YEATS2: variants seen among roughly 807,000 people sequenced by gnomAD.
YEATS2 encodes the protein YEATS domain-containing protein 2.
Under a neutral mutation model 163.2 loss-of-function variants are expected in YEATS2, and 77 were observed. The observed-to-expected ratio is 0.47, with a 90% CI of 0.39 to 0.57. The LOEUF (loss-of-function observed/expected upper bound fraction) is 0.57, where lower values mean the gene tolerates loss of function less well. YEATS2 is among the 20% of genes least tolerant of loss of function. YEATS2 has a pLI of 0.00. For missense variants in YEATS2, 1,549 were observed against 1,729.8 expected, an observed-to-expected ratio of 0.90 and a Z score of 1.85; for synonymous variants, 631 against 645.1, an observed-to-expected ratio of 0.98 and a Z score of 0.33.
chr3:183,724,158 C>CA (rs1716821713), intron 5 of YEATS2, among the ~76,000 whole-genome samples: 1 of 151,982 alleles, frequency 6.6e-6, no homozygotes, highest in Non-Finnish European at 1.5e-5. Context: ...TGTATCCTTC[C>CA]AAATCCTATT....
At chr3:183,790,703 T>C in intron 20 of YEATS2, 94 bp from the exon 21 acceptor site, 1 of 1,354,380 alleles carries the variant, frequency 7.4e-7, no homozygotes, top group South Asian at 1.3e-5. Context: ...TAATAGATGA[T>C]ATTTAGTGTG....
chr3:183,728,433 A>G (rs1717356913), intron 6 of YEATS2, among the ~76,000 whole-genome samples: 1 of 152,240 alleles, frequency 6.6e-6, no homozygotes, highest in South Asian at 2.1e-4. Context: ...GACCTCAAGC[A>G]GTCCTCCCGT....
intron 8 of YEATS2, among the ~76,000 whole-genome samples, chr3:183,743,893 T>C (rs1389621514): frequency 6.6e-6 from 1 of 152,128 alleles, no homozygotes; most frequent in South Asian, 2.1e-4. Context: ...TGGACCTCTT[T>C]CAAGCTTAAG....
At chr3:183,730,052 G>GTTTGTTTGT (rs1560244258) in intron 7 of YEATS2, among the ~76,000 whole-genome samples, 1 of 41,718 alleles carries the variant, frequency 2.4e-5, no homozygotes, top group African/African-American at 8.2e-5. Context: ...TTTTTTGTTT[G>GTTTGTTTGT]TTTTTTTTTT....
intron 21 of YEATS2, among the ~76,000 whole-genome samples, chr3:183,792,509 G>A (rs1386476936): frequency 2.0e-5 from 3 of 152,046 alleles, no homozygotes; most frequent in Non-Finnish European, 4.4e-5. Flanking sequence ...AGATTATATT[G>A]TATTGTACTG....
chr3:183,761,170 C>A (rs1721311064), intron 13 of YEATS2, among the ~76,000 whole-genome samples: 1 of 152,024 alleles, frequency 6.6e-6, no homozygotes, highest in South Asian at 2.1e-4. Context: ...TCACCACAAC[C>A]TCTGCCTCCC....
chr3:183,812,451 C>T lies in YEATS2; in HGVS notation c.*1868C>T, dbSNP rs1187501783. 6.6e-5 allele frequency: 10 copies of T among 152,520 alleles called. No homozygotes were observed. The highest frequency in any genetic ancestry group is 6.5e-4 in the Admixed American group (10 of 15,274). The allele number at this position is 152,520 out of a possible 1,614,324, so 9.4% of individuals were successfully genotyped here. ...CAGGACAGAGGGAGAAAGATCTGAT[C>T]CAAATGAGAACAGATTGGTTATTGC... On this transcript the variant is annotated 3_prime_UTR_variant, in exon 31 of 31. Transcript: ENST00000305135.
chr3:183,721,910 C>G lies in YEATS2; in HGVS notation c.311C>G (p.Thr104Arg). Residue 104 changes from threonine to arginine, a missense_variant, in exon 5 of 31, where the codon ACA becomes AGA. Physicochemically the swap from Thr to Arg is moderately conservative, Grantham distance 71. Coordinates refer to ENST00000305135, the MANE Select transcript of YEATS2 (RefSeq NM_018023.5). ...TTGTAGGGATCAAAGACATGTGATACAATGGTTTTTAATCATCCTGCTATC... is the reference window on the plus strand; with the variant it reads ...TTGTAGGGATCAAAGACATGTGATAGAATGGTTTTTAATCATCCTGCTATC... ...KVSEGSKTCDTMVFNHPAIKK... is the reference protein window; with the variant it reads ...KVSEGSKTCDRMVFNHPAIKK... The G allele has an allele frequency of 6.2e-7, 1 of 1,614,078 alleles. No homozygotes were observed. The highest frequency in any genetic ancestry group is 8.5e-7 in the Non-Finnish European group (1 of 1,180,010).
intron 29 of YEATS2, 45 bp downstream of exon 29, chr3:183,808,149 C>CTT: frequency 6.6e-7 from 1 of 1,522,484 alleles, no homozygotes. Flanking sequence ...TGGTTGCATC[C>CTT]CAGGCGGTTT....
chr3:183,806,641 G>A, intron 27 of YEATS2: 1 of 556,372 alleles, frequency 1.8e-6, no homozygotes, highest in Non-Finnish European at 3.2e-6. Flanking sequence ...CATCTTAGAT[G>A]GCAGTTACCT....
Position 183,812,541 on chromosome 3 carries a change from A to G in YEATS2, c.*1958A>G, listed in dbSNP as rs1310413331. 1.3e-5 allele frequency: 2 copies of G among 152,652 alleles called. No individual in the cohort carries two copies. The highest frequency in any genetic ancestry group is 2.9e-5 in the Non-Finnish European group (2 of 68,036). 9.5% of individuals were successfully genotyped at this position (152,652 alleles called of 1,614,324 possible). A position where few individuals can be genotyped will look rare whatever the true frequency, so the allele number is the denominator to read the frequency against. On this transcript the variant is annotated 3_prime_UTR_variant, in exon 31 of 31. Transcript: ENST00000305135. ...AATATTAAATGATTTAGCAGTCTCC[A>G]CGTGTGTTAATGTTTCAAACGTGTA...
intron 7 of YEATS2, among the ~76,000 whole-genome samples, 162 bp from the exon 8 acceptor site, chr3:183,736,556 C>T (rs1180377206): frequency 6.6e-6 from 1 of 152,146 alleles, no homozygotes; most frequent in Non-Finnish European, 1.5e-5. Flanking sequence ...TAAAATTTAT[C>T]ATTTTAGCAA....
chr3:183,712,187 CTTTTATTTTATTTTATTTTA>C (rs58510341), intron 1 of YEATS2, among the ~76,000 whole-genome samples: 33 of 113,394 alleles, frequency 2.9e-4, no homozygotes, highest in Non-Finnish European at 4.2e-4. Flanking sequence ...ATTTTATGTT[CTTTTATTTTATTTTATTTTA>C]TTTTATTTTA....
At chr3:183,786,403 C>A in intron 20 of YEATS2, 102 bp downstream of exon 20, 4 of 1,156,820 alleles carry the variant, frequency 3.5e-6, no homozygotes, top group South Asian at 1.7e-5. Flanking sequence ...TTTAAAAATA[C>A]TCAACTATTG....
chr3:183,725,422 A>G (rs1017439281), intron 6 of YEATS2, among the ~76,000 whole-genome samples: 1 of 152,166 alleles, frequency 6.6e-6, no homozygotes, highest in African/African-American at 2.4e-5. Context: ...CTGTTTTCAC[A>G]CTGCTAATAT....
rs748013834 is a variant in YEATS2 at position 183,722,087 on chromosome 3, A to C, written c.488A>C (p.Glu163Ala). The C allele has an allele frequency of 1.9e-6, 3 of 1,614,042 alleles. No individual in the cohort carries two copies. In the South Asian group the frequency reaches 3.3e-5, roughly 18 times the overall value. ...KDNNSNMDIE[E>A]RLSNNMEQRP... ...AATAACAGCAATATGGATATAGAGGAAAGACTCTCAAACAACATGGAGCAG... is the reference window on the plus strand; with the variant it reads ...AATAACAGCAATATGGATATAGAGGCAAGACTCTCAAACAACATGGAGCAG... Residue 163 changes from glutamate to alanine, a missense_variant, in exon 5 of 31, where the codon GAA becomes GCA. By Grantham distance (107) the Glu-to-Ala change is moderately radical. Transcript: ENST00000305135.
chr3:183,758,438 A>G (rs953113520), intron 12 of YEATS2, among the ~76,000 whole-genome samples: 3 of 152,236 alleles, frequency 2.0e-5, no homozygotes, highest in African/African-American at 7.2e-5. Context: ...AGCTAGCAGA[A>G]TGCATATATT....
chr3:183,757,245 A>G (rs1189327091), intron 12 of YEATS2, among the ~76,000 whole-genome samples: 1 of 151,958 alleles, frequency 6.6e-6, no homozygotes, highest in Non-Finnish European at 1.5e-5. Flanking sequence ...CTCTAACATT[A>G]TTTTATTTAT....
chr3:183,790,871 T>A lies in YEATS2; in HGVS notation c.2988T>A (p.Cys996Ter). 6.2e-7 allele frequency: 1 copy of A among 1,614,208 alleles called. No individual in the cohort carries two copies. Among genetic ancestry groups the A allele is most frequent in the Non-Finnish European group, 8.5e-7 (1 of 1,180,046 alleles). Residue 996 changes from cysteine to a stop codon, truncating the protein, a stop_gained, in exon 21 of 31, where the codon TGT (cysteine) becomes TGA (stop). Transcript: ENST00000305135. LOFTEE classifies it high-confidence loss of function. ...AAACTTCTGGGCAGCAGCAAGTGTG[T>A]GTGAGCCAGGCCACCGTGGGAACCT... ...VTKTSGQQQVCVSQATVGTCK... is the reference protein window; with the variant it reads ...VTKTSGQQQV
Sources: gnomAD v4.1 joint callset for allele counts (sites outside exome capture counted in the v4.1 genomes callset) on GRCh38, gnomAD v4.1.1 for gene constraint, MANE v1.5 for transcripts, NCBI Gene and HGNC (gene_info 2026-07-23, HGNC 2026-07-21) for gene names.